RRM1: variants seen among roughly 807,000 people sequenced by gnomAD.
RRM1 encodes ribonucleotide reductase catalytic subunit M1.
A neutral mutation model predicts 101.5 loss-of-function variants in RRM1; 19 were observed. That is an observed-to-expected ratio of 0.19 (90% CI 0.13 to 0.27). The LOEUF (loss-of-function observed/expected upper bound fraction) is 0.27, where lower values mean the gene tolerates loss of function less well. RRM1 is among the 10% of genes least tolerant of loss of function. The probability of loss-of-function intolerance (pLI) is 1.00; values close to 1 mark genes in which losing one functional copy is unlikely to be tolerated. For missense variants in RRM1, 500 were observed against 962.9 expected (o/e 0.52, Z 6.36); for synonymous variants, 298 against 323.4 (o/e 0.92, Z 0.84).
intron 7 of RRM1, among the ~76,000 whole-genome samples, chr11:4,115,759 G>A (rs535098482): frequency 6.6e-6 from 1 of 152,234 alleles, no homozygotes; most frequent in Admixed American, 6.5e-5. Flanking sequence ...GTTTGTCCAT[G>A]TTGGCCAGGC....
Position 4,102,081 on chromosome 11 carries a change from T to G in RRM1, c.108T>G (p.Pro36=). 1 of 1,483,978 alleles carries G rather than the reference T, an allele frequency of 6.7e-7. No homozygotes were observed. The highest frequency in any genetic ancestry group is 1.2e-5 in the South Asian group (1 of 86,662). The allele number at this position is 1,483,978 out of a possible 1,614,324, so 91.9% of individuals were successfully genotyped here. ...GACTCAATATGGATTTTGTTGATCC[T>G]GTAAGTAAATATGGTTTTTATCTTG... ...CYGLNMDFVD[P]AQITMKVIQG... is the part of the protein sequence containing the mutation. Residue 36 remains proline, a splice_region_variant and synonymous_variant, in exon 2 of 19, where the codon CCT becomes CCG. Transcript: ENST00000300738.
intron 1 of RRM1, among the ~76,000 whole-genome samples, chr11:4,097,061 G>A (rs1046890955): frequency 1.3e-5 from 2 of 151,776 alleles, no homozygotes; most frequent in African/African-American, 4.9e-5. Flanking sequence ...GAGGTGGGTG[G>A]ATCATTTGAG....
chr11:4,116,280 T>A (rs978003753), intron 7 of RRM1: 1 of 152,270 alleles, frequency 6.6e-6, no homozygotes, highest in Non-Finnish European at 1.5e-5. Flanking sequence ...GCGATCGCCA[T>A]CTTGGAGTCT....
chr11:4,136,273 G>C (rs1385395573), intron 18 of RRM1, among the ~76,000 whole-genome samples: 1 of 152,078 alleles, frequency 6.6e-6, no homozygotes, highest in South Asian at 2.1e-4. Flanking sequence ...CCCGGCTGGA[G>C]TACAGCGGCA....
intron 4 of RRM1, among the ~76,000 whole-genome samples, chr11:4,109,339 A>T (rs1420102578): frequency 6.6e-6 from 1 of 152,072 alleles, no homozygotes; most frequent in Non-Finnish European, 1.5e-5. Flanking sequence ...CTTTCAAAAC[A>T]TACTATAAAC....
chr11:4,125,227 A>G (rs2094587783), intron 12 of RRM1, among the ~76,000 whole-genome samples: 1 of 151,918 alleles, frequency 6.6e-6, no homozygotes, highest in Non-Finnish European at 1.5e-5. Context: ...GTACATTTTT[A>G]TCACTGTAGA....
At chr11:4,121,916 C>G (rs12288551) in intron 10 of RRM1, 151 bp downstream of exon 10, 38,558 of 771,836 alleles carry the variant, frequency 0.05, 1,279 homozygotes, top group African/African-American at 0.12. Flanking sequence ...TGCTTGTCTT[C>G]TTATATTTCT....
At chr11:4,120,071 A>T in intron 9 of RRM1, 143 bp downstream of exon 9, 1 of 575,080 alleles carries the variant, frequency 1.7e-6, no homozygotes, top group East Asian at 3.0e-5. Flanking sequence ...AATTATTTTA[A>T]TATGCATATA....
At chr11:4,097,180 G>A (rs1196429025) in intron 1 of RRM1, among the ~76,000 whole-genome samples, 1 of 150,536 alleles carries the variant, frequency 6.6e-6, no homozygotes, top group African/African-American at 2.5e-5. Context: ...CAGCTACTCA[G>A]GAGGCTGAGG....
chr11:4,124,526 C>T (rs2094586517), intron 12 of RRM1, among the ~76,000 whole-genome samples: 1 of 152,002 alleles, frequency 6.6e-6, no homozygotes, highest in South Asian at 2.1e-4. Flanking sequence ...AATATGCTGC[C>T]CTCTGGAAAC....
chr11:4,110,978 T>C (rs1348761802), intron 5 of RRM1, among the ~76,000 whole-genome samples: 1 of 151,982 alleles, frequency 6.6e-6, no homozygotes, highest in Non-Finnish European at 1.5e-5. Context: ...AAGTGTTAGC[T>C]GTTGTGAAGT....
intron 7 of RRM1, among the ~76,000 whole-genome samples, chr11:4,113,748 T>C (rs957737054): frequency 6.6e-6 from 1 of 152,244 alleles, no homozygotes; most frequent in Non-Finnish European, 1.5e-5. Context: ...TGTAGCATGT[T>C]ACTGTACTGA....
rs780268388 is a variant in RRM1 at position 4,111,955 on chromosome 11, A to C, written c.543A>C (p.Glu181Asp). The change falls in exon 7 of 19, where the codon GAA becomes GAC. Residue 181 changes from glutamate to aspartate, a missense_variant. Glu to Asp is a conservative substitution (Grantham distance 45). This residue lies in a region of RRM1 where 111 missense variants were observed against 219.8 expected (regional missense o/e 0.51). Coordinates refer to ENST00000300738, the MANE Select transcript of RRM1 (RefSeq NM_001033.5). ...GAGTATCTGTTGGGATCCACAAAGA[A>C]GACATTGATGCAGCAATTGAAACAT... The part of the protein sequence containing the change: ...LMRVSVGIHK[E>D]DIDAAIETYN... 3.7e-6 allele frequency: 6 copies of C among 1,614,042 alleles called. No individual in the cohort carries two copies. The highest frequency in any genetic ancestry group is 5.1e-6 in the Non-Finnish European group (6 of 1,179,994).
rs761603478 is a variant in RRM1, at chr11:4,138,334, T to C, written c.2330T>C (p.Met777Thr). 8.1e-6 allele frequency: 13 copies of C among 1,612,418 alleles called. No individual in the cohort carries two copies. Among genetic ancestry groups the C allele is most frequent in the African/African-American group, 2.7e-5 (2 of 74,916 alleles). The change falls in exon 19 of 19, where the codon ATG (methionine) becomes ACG (threonine). Residue 777 changes from methionine (M) to threonine (T), a missense_variant. By Grantham distance (81) the Met-to-Thr change is moderately conservative (BLOSUM62 -1). Transcript: ENST00000300738. ...EEEKERNTAA[M>T]VCSLENRDEC... Reference sequence around the variant, plus strand: ...GAGAAGGAGAGGAACACAGCAGCCATGGTGTGCTCTTTGGAGAATAGAGAT... The same window carrying C: ...GAGAAGGAGAGGAACACAGCAGCCACGGTGTGCTCTTTGGAGAATAGAGAT...
intron 2 of RRM1, chr11:4,105,832 T>C: frequency 1.9e-6 from 1 of 522,750 alleles, no homozygotes. Context: ...CCCAAAGTGC[T>C]GTGATTATGG....
At chr11:4,102,641 G>A (rs2094553155) in intron 2 of RRM1, among the ~76,000 whole-genome samples, 1 of 145,432 alleles carries the variant, frequency 6.9e-6, no homozygotes, top group South Asian at 2.1e-4. Context: ...GACAGAGCGA[G>A]ACTCCCTCTC....
chr11:4,132,177 C>G lies in RRM1; in HGVS notation c.1770-109C>G. The G allele has an allele frequency of 1.8e-6, 2 of 1,092,572 alleles. No homozygotes were observed. Among genetic ancestry groups the G allele is most frequent in the Non-Finnish European group, 1.4e-6 (1 of 736,140 alleles). The allele number at this position is 1,092,572 out of a possible 1,614,324, so 67.7% of individuals were successfully genotyped here. On this transcript the variant is annotated intron_variant, in intron 15 of 18. Coordinates refer to ENST00000300738, the MANE Select transcript of RRM1 (RefSeq NM_001033.5). This position sits in a 1 kb window ranked among gnomAD's most constrained non-coding sequence, Gnocchi z 4.1. Reference sequence around the variant, plus strand: ...TGAGTTCAATGCATGTACGATGTTACATTTACATTTACTACATTTATCTAC... The same window carrying G: ...TGAGTTCAATGCATGTACGATGTTAGATTTACATTTACTACATTTATCTAC...
intron 4 of RRM1, among the ~76,000 whole-genome samples, 192 bp downstream of exon 4, chr11:4,107,727 A>T (rs184431950): frequency 6.6e-6 from 1 of 152,212 alleles, no homozygotes; most frequent in Admixed American, 6.5e-5. Context: ...TTTTGTACAT[A>T]CGTGTGTGCA....
chr11:4,117,694 C>A (rs1301829447), intron 7 of RRM1, among the ~76,000 whole-genome samples: 1 of 152,130 alleles, frequency 6.6e-6, no homozygotes, highest in African/African-American at 2.4e-5. Flanking sequence ...TTACATCATT[C>A]TCTATATTTT....
Sources: allele counts gnomAD v4.1 joint callset (sites outside exome capture counted in the v4.1 genomes callset), GRCh38; gene constraint gnomAD v4.1.1; regional missense constraint gnomAD v4.1.1; non-coding constraint Gnocchi (gnomAD v3.1); transcripts MANE v1.5; gene names NCBI Gene and HGNC (gene_info 2026-07-23, HGNC 2026-07-21).